AGBL4: variants seen among roughly 807,000 people sequenced by gnomAD.
AGBL4 encodes the protein cytosolic carboxypeptidase 6.
Under a neutral mutation model 66.4 loss-of-function variants are expected in AGBL4, and 58 were observed. The ratio of observed to expected loss-of-function variants is 0.87; its 90% CI spans 0.71 to 1.09. The LOEUF (loss-of-function observed/expected upper bound fraction) is 1.09. Among genes scored for constraint, AGBL4 ranks in the 50% least tolerant of loss-of-function variants. AGBL4 has a pLI of 0.00. For missense variants in AGBL4, 579 were observed against 631.0 expected (o/e 0.92, Z 0.88); for synonymous variants, 234 against 222.9 (o/e 1.05, Z -0.44).
At chr1:49,878,348 T>C (rs1227984811) in intron 1 of AGBL4, among the ~76,000 whole-genome samples, 4 of 150,002 alleles carry the variant, frequency 2.7e-5, no homozygotes, top group Non-Finnish European at 5.9e-5. Context: ...CCAGAGATTC[T>C]GGTATGTTGT....
At chr1:49,930,691 T>A (rs886322311) in intron 1 of AGBL4, among the ~76,000 whole-genome samples, 2 of 152,050 alleles carry the variant, frequency 1.3e-5, no homozygotes, top group Non-Finnish European at 1.5e-5. Flanking sequence ...AATATATCCA[T>A]TAAAAGCATA....
intron 3 of AGBL4, among the ~76,000 whole-genome samples, chr1:49,579,246 C>T (rs966927997): frequency 2.6e-5 from 4 of 152,146 alleles, no homozygotes; most frequent in Non-Finnish European, 5.9e-5. Flanking sequence ...ATATATACAT[C>T]TCTCTCCTAT....
At chr1:49,494,342 G>A (rs1185651765) in intron 3 of AGBL4, among the ~76,000 whole-genome samples, 1 of 151,682 alleles carries the variant, frequency 6.6e-6, no homozygotes, top group Non-Finnish European at 1.5e-5. Flanking sequence ...AGTTACATAT[G>A]TATACATGTG....
At position 48,710,574 on chromosome 1, in the gene AGBL4, C is replaced by A. The variant is rs1646950589; in HGVS notation, c.635-47333G>T. The stretch of plus-strand genomic sequence containing the variant: ...GGCTTTGTCCTAGTACAGCAGGGAG[C>A]CATGGAAGGTTTACCAGCAGGAGAA... On this transcript the variant is annotated intron_variant, in intron 6 of 13. Transcript: ENST00000371839. 2.0e-5 allele frequency among the ~76,000 whole-genome samples: 3 copies of A among 152,098 alleles called. No homozygotes were observed. The South Asian group carries it at 6.2e-4, about 32-fold the overall frequency.
chr1:49,231,528 TC>T (rs1215442998), intron 4 of AGBL4, among the ~76,000 whole-genome samples: 9 of 152,202 alleles, frequency 5.9e-5, no homozygotes, highest in African/African-American at 2.2e-4. Context: ...GCAAGATCTG[TC>T]TCAGCAAGAC....
chr1:49,275,945 A>G (rs1042095290), intron 3 of AGBL4, among the ~76,000 whole-genome samples: 15 of 152,142 alleles, frequency 9.9e-5, no homozygotes, highest in Non-Finnish European at 1.5e-5. Flanking sequence ...TCACTTGAAC[A>G]TCTCAGTCAA....
chr1:49,292,790 C>T (rs868725881), intron 3 of AGBL4, among the ~76,000 whole-genome samples: 4 of 152,046 alleles, frequency 2.6e-5, no homozygotes, highest in Admixed American at 6.6e-5. Context: ...GAGGAGCTAC[C>T]CACTCCAAGG....
chr1:48,689,275 C>T (rs1646586358), intron 6 of AGBL4, among the ~76,000 whole-genome samples: 3 of 150,144 alleles, frequency 2.0e-5, no homozygotes, highest in Admixed American at 2.0e-4. Flanking sequence ...AGTCCTTATA[C>T]TCAGAAAGCC....
chr1:49,853,501 A>G (rs1287222751), intron 1 of AGBL4, among the ~76,000 whole-genome samples: 1 of 152,138 alleles, frequency 6.6e-6, no homozygotes, highest in African/African-American at 2.4e-5. Context: ...GAGCTGTGGA[A>G]CAATATCAAC....
Position 49,165,252 on chromosome 1 carries a change from G to T in AGBL4, c.377+80518C>A, listed in dbSNP as rs138883686. 1.8e-3 allele frequency among the ~76,000 whole-genome samples: 273 copies of T among 152,144 alleles called. 1 individual carries two copies. Among genetic ancestry groups the T allele is most frequent in the African/African-American group, 6.2e-3 (258 of 41,510 alleles). On this transcript the variant is annotated intron_variant, in intron 4 of 13. Coordinates refer to ENST00000371839, the MANE Select transcript of AGBL4 (RefSeq NM_032785.4). Reference sequence around the variant, plus strand: ...AAATTGATATGGATAGAATAGTAAAGAAATATTCTAGATTTAGAAAAAAGG... The same window carrying T: ...AAATTGATATGGATAGAATAGTAAATAAATATTCTAGATTTAGAAAAAAGG...
chr1:48,755,488 C>A (rs1164651721), intron 6 of AGBL4, among the ~76,000 whole-genome samples: 1 of 152,178 alleles, frequency 6.6e-6, no homozygotes, highest in Non-Finnish European at 1.5e-5. Flanking sequence ...AAGGATATGC[C>A]TCCAGGAGCA....
intron 6 of AGBL4, among the ~76,000 whole-genome samples, chr1:48,745,013 T>G (rs1270480422): frequency 6.6e-6 from 1 of 152,200 alleles, no homozygotes; most frequent in Non-Finnish European, 1.5e-5. Context: ...GTCTCTACAT[T>G]GTGACTACTT....
intron 3 of AGBL4, among the ~76,000 whole-genome samples, chr1:49,285,993 A>C (rs1355126303): frequency 4.6e-5 from 7 of 152,242 alleles, no homozygotes; most frequent in Non-Finnish European, 8.8e-5. Context: ...ATCCAGCAGC[A>C]CATCAAAAAG....
At chr1:49,051,838 G>A (rs76921468) in intron 4 of AGBL4, among the ~76,000 whole-genome samples, 6,617 of 152,174 alleles carry the variant, frequency 0.043, 179 homozygotes, top group East Asian at 0.073. Flanking sequence ...GTGAGTCACA[G>A]GGAGAGGGAG....
intron 4 of AGBL4, among the ~76,000 whole-genome samples, chr1:49,208,510 T>G (rs905459463): frequency 6.6e-6 from 1 of 152,044 alleles, no homozygotes; most frequent in Non-Finnish European, 1.5e-5. Flanking sequence ...GAATTCAAAA[T>G]GTATTTTCTA....
At chr1:49,933,996 T>G (rs1025478131) in intron 1 of AGBL4, among the ~76,000 whole-genome samples, 15 of 152,150 alleles carry the variant, frequency 9.9e-5, no homozygotes, top group African/African-American at 3.6e-4. Context: ...TCCAAGTATA[T>G]GTTGTCTACA....
At chr1:49,399,659 A>G (rs193140227) in intron 3 of AGBL4, among the ~76,000 whole-genome samples, 3 of 152,212 alleles carry the variant, frequency 2.0e-5, no homozygotes, top group Admixed American at 6.5e-5. Context: ...AGAAATGTCT[A>G]TTCAGGTCTT....
intron 6 of AGBL4, among the ~76,000 whole-genome samples, chr1:48,789,617 A>G (rs996815728): frequency 6.6e-6 from 1 of 152,140 alleles, no homozygotes; most frequent in African/African-American, 2.4e-5. Flanking sequence ...TGGTCTGGGT[A>G]GAGTAAGGGG....
intron 2 of AGBL4, among the ~76,000 whole-genome samples, chr1:49,697,788 T>C (rs906315883): frequency 6.6e-6 from 1 of 152,166 alleles, no homozygotes; most frequent in African/African-American, 2.4e-5. Context: ...AAAGTGAGGA[T>C]GATAATACCT....
Sources: allele counts gnomAD v4.1 joint callset (sites outside exome capture counted in the v4.1 genomes callset), GRCh38; gene constraint gnomAD v4.1.1; transcripts MANE v1.5; gene names NCBI Gene and HGNC (gene_info 2026-07-23, HGNC 2026-07-21).